Variants in KALRN observed in about 807,000 individuals in gnomAD.
The protein encoded by KALRN is kalirin.
Under a neutral mutation model 353.7 loss-of-function variants are expected in KALRN, and 70 were observed. That is an observed-to-expected ratio of 0.20 (90% CI 0.16 to 0.24). The LOEUF (loss-of-function observed/expected upper bound fraction) is 0.24. Among genes scored for constraint, KALRN ranks in the 10% least tolerant of loss-of-function variants. The pLI, the probability that KALRN is intolerant of heterozygous loss-of-function variation, is 1.00. For missense variants in KALRN, 2,791 were observed against 3,756.7 expected (o/e 0.74, Z 6.72); for synonymous variants, 1,391 against 1,434.8 (o/e 0.97, Z 0.69).
intron 34 of KALRN, among the ~76,000 whole-genome samples, chr3:124,571,640 T>C (rs955851636): frequency 2.0e-5 from 3 of 152,248 alleles, no homozygotes; most frequent in African/African-American, 7.2e-5. Flanking sequence ...GGTAATTACC[T>C]TTGTTAATTT....
intron 1 of KALRN, among the ~76,000 whole-genome samples, chr3:124,102,594 A>G (rs865837843): frequency 3.3e-5 from 5 of 152,170 alleles, no homozygotes; most frequent in African/African-American, 1.2e-4. Flanking sequence ...CGTGTTTGGT[A>G]CCAGTAAGTA....
chr3:124,504,051 C>T (rs1040286549), intron 33 of KALRN, among the ~76,000 whole-genome samples: 3 of 152,274 alleles, frequency 2.0e-5, no homozygotes, highest in South Asian at 2.1e-4. Flanking sequence ...CAGGAAACCT[C>T]GGAAGTGCTC....
intron 10 of KALRN, among the ~76,000 whole-genome samples, chr3:124,347,939 A>G (rs1162099674): frequency 2.0e-5 from 3 of 152,234 alleles, no homozygotes; most frequent in Admixed American, 1.3e-4. Flanking sequence ...ATGTTGTATG[A>G]CAGGCCCTGA....
At chr3:124,468,623 A>G (rs12486592) in intron 25 of KALRN, among the ~76,000 whole-genome samples, 30,492 of 152,178 alleles carry the variant, frequency 0.2, 3,914 homozygotes, top group East Asian at 0.51. Context: ...AAAAGCCCGA[A>G]AGAAATCGTT....
intron 3 of KALRN, among the ~76,000 whole-genome samples, chr3:124,246,069 A>G (rs2081087966): frequency 6.6e-6 from 1 of 152,194 alleles, no homozygotes; most frequent in African/African-American, 2.4e-5. Context: ...CTAGTACTCC[A>G]TTATGATTTC....
At chr3:124,176,277 G>A (rs931164115) in intron 1 of KALRN, among the ~76,000 whole-genome samples, 8 of 152,138 alleles carry the variant, frequency 5.3e-5, no homozygotes, top group African/African-American at 1.9e-4. Flanking sequence ...GGAGTTCCCA[G>A]GGAACCCACC....
At chr3:124,244,660 T>A (rs1239221910) in intron 3 of KALRN, among the ~76,000 whole-genome samples, 1 of 152,212 alleles carries the variant, frequency 6.6e-6, no homozygotes, top group African/African-American at 2.4e-5. Context: ...TGTGTAATAG[T>A]GTGTCTTGGG....
chr3:124,383,811 C>T (rs896093494), intron 10 of KALRN, among the ~76,000 whole-genome samples: 4 of 152,138 alleles, frequency 2.6e-5, no homozygotes, highest in Admixed American at 6.5e-5. Flanking sequence ...CTTACAGACA[C>T]GGAGACCCTG....
intron 49 of KALRN, among the ~76,000 whole-genome samples, chr3:124,675,971 G>A (rs1389957572): frequency 6.6e-6 from 1 of 152,102 alleles, no homozygotes; most frequent in Admixed American, 6.5e-5. Flanking sequence ...AATCCACAGT[G>A]GCCCCTAAGG....
chr3:124,551,408 G>A (rs950349555), intron 33 of KALRN, among the ~76,000 whole-genome samples: 13 of 152,206 alleles, frequency 8.5e-5, no homozygotes, highest in African/African-American at 3.1e-4. Context: ...AACCCTTTCC[G>A]TTGCTGATAC....
intron 9 of KALRN, among the ~76,000 whole-genome samples, chr3:124,345,992 TA>T (rs1405303595): frequency 3.3e-5 from 5 of 152,206 alleles, no homozygotes. Context: ...CATTTTCCAG[TA>T]AGTGCTTCCA....
intron 33 of KALRN, among the ~76,000 whole-genome samples, chr3:124,513,496 CA>C (rs973134041): frequency 5.3e-5 from 8 of 152,156 alleles, no homozygotes; most frequent in Admixed American, 4.6e-4. Context: ...AGCTTTTAAA[CA>C]GGAGGTGGGT....
chr3:124,342,528 T>A (rs1196793210), intron 9 of KALRN, among the ~76,000 whole-genome samples: 1 of 152,228 alleles, frequency 6.6e-6, no homozygotes, highest in Non-Finnish European at 1.5e-5. Context: ...CCATTGTTGA[T>A]ATATACCACA....
At chr3:124,579,328 G>GT (rs1478303492) in intron 34 of KALRN, among the ~76,000 whole-genome samples, 1 of 152,208 alleles carries the variant, frequency 6.6e-6, no homozygotes, top group Non-Finnish European at 1.5e-5. Flanking sequence ...AAGTGGTCAC[G>GT]TAGGTAGGCA....
chr3:124,662,398 TG>T (rs1196297654), intron 45 of KALRN, among the ~76,000 whole-genome samples: 1 of 151,922 alleles, frequency 6.6e-6, no homozygotes, highest in Non-Finnish European at 1.5e-5. Context: ...ATTATAAAGA[TG>T]GGGTTTTGCC....
At chr3:124,704,930 A>G (rs2062527037) in intron 57 of KALRN, among the ~76,000 whole-genome samples, 1 of 152,236 alleles carries the variant, frequency 6.6e-6, no homozygotes, top group South Asian at 2.1e-4. Context: ...GACTTGCTTC[A>G]TCACACCTAA....
intron 9 of KALRN, among the ~76,000 whole-genome samples, chr3:124,346,083 A>C (rs900662703): frequency 2.6e-5 from 4 of 152,222 alleles, no homozygotes; most frequent in Non-Finnish European, 5.9e-5. Context: ...GGCTCACTTG[A>C]GTTTTAGCAG....
intron 13 of KALRN, among the ~76,000 whole-genome samples, chr3:124,406,097 A>C (rs2091511729): frequency 6.6e-6 from 1 of 152,244 alleles, no homozygotes; most frequent in African/African-American, 2.4e-5. Flanking sequence ...ATATGTTCTC[A>C]CATTATTTTG....
intron 11 of KALRN, among the ~76,000 whole-genome samples, chr3:124,394,498 T>C (rs181349642): frequency 4.6e-5 from 7 of 152,360 alleles, no homozygotes; most frequent in African/African-American, 1.4e-4. Context: ...TCTTTTAAAG[T>C]TGTCTGGCCA....
Sources: allele counts gnomAD v4.1 joint callset (sites outside exome capture counted in the v4.1 genomes callset), GRCh38; gene constraint gnomAD v4.1.1; transcripts MANE v1.5; gene names NCBI Gene and HGNC (gene_info 2026-07-23, HGNC 2026-07-21).